MICALL2: variants seen among roughly 807,000 people sequenced by gnomAD.
The protein encoded by MICALL2 is MICAL like 2.
In MICALL2, 111 loss-of-function variants were observed where a neutral mutation model predicts 91.1. That is an observed-to-expected ratio of 1.22 (90% CI 1.04 to 1.43). The LOEUF (loss-of-function observed/expected upper bound fraction) is 1.43. Among genes scored for constraint, MICALL2 ranks in the 40% most tolerant of loss-of-function variants. The probability of loss-of-function intolerance (pLI) is 0.00; values close to 1 mark genes in which losing one functional copy is unlikely to be tolerated. For missense variants in MICALL2, 1,556 were observed against 1,236.0 expected, an observed-to-expected ratio of 1.26 and a Z score of -3.88; for synonymous variants, 694 against 525.3, an observed-to-expected ratio of 1.32 and a Z score of -4.39.
rs1781127556 is a variant in MICALL2, at chr7:1,459,265, A to C, written c.62T>G (p.Val21Gly). 6.2e-7 allele frequency: 1 copy of C among 1,609,438 alleles called. No homozygotes were observed. Among genetic ancestry groups the C allele is most frequent in the Non-Finnish European group, 8.5e-7 (1 of 1,178,504 alleles). ...CGACGTGGTCATGTTGCAGATATTC[A>C]CGTCGCGGTAGCCCTCGCACTGCTG... Reference protein sequence around the residue: ...CRQQCEGYRDVNICNMTTSFR... With the variant: ...CRQQCEGYRDGNICNMTTSFR... The change falls in exon 1 of 17, where the codon GTG becomes GGG. Residue 21 changes from valine (V) to glycine (G), a missense_variant. Transcript: ENST00000297508.
chr7:1,434,945 C>T, intron 16 of MICALL2, 156 bp downstream of exon 16: 2 of 861,640 alleles, frequency 2.3e-6, no homozygotes, highest in South Asian at 1.6e-5. Context: ...GGTGAACCTG[C>T]CTGTCCTGTC....
At chr7:1,436,198 T>A (rs970529651) in intron 15 of MICALL2, among the ~76,000 whole-genome samples, 1 of 151,962 alleles carries the variant, frequency 6.6e-6, no homozygotes, top group South Asian at 2.1e-4. Context: ...AAGACCAGCC[T>A]AGCCAACATG....
intron 9 of MICALL2, 131 bp downstream of exon 9, chr7:1,439,794 T>C (rs1479989837): frequency 2.0e-5 from 14 of 695,840 alleles, no homozygotes; most frequent in Non-Finnish European, 3.0e-5. Context: ...GACTACCAGC[T>C]TCTCTGGCTG....
At position 1,452,223 on chromosome 7, in the gene MICALL2, G is replaced by A. The variant is rs547670170; in HGVS notation, c.144-1935C>T. The stretch of plus-strand genomic sequence containing the variant: ...ACTCCTCTCCGTGTGGACAGATGAC[G>A]AGGAGCCCCCTCCCTGGGCTCAGTG... On this transcript the variant is annotated intron_variant, in intron 1 of 16. Coordinates refer to ENST00000297508, the MANE Select transcript of MICALL2 (RefSeq NM_182924.4). This position sits in a 1 kb window ranked among gnomAD's most constrained non-coding sequence, Gnocchi z 6.2. Among the ~76,000 whole-genome samples, 6 of 152,262 alleles carry A rather than the reference G, an allele frequency of 3.9e-5. No homozygotes were observed. In the South Asian group the frequency reaches 8.3e-4, roughly 21 times the overall value.
chr7:1,440,373 A>G, intron 8 of MICALL2: 1 of 629,508 alleles, frequency 1.6e-6, no homozygotes, highest in African/African-American at 1.8e-5. Context: ...GTGAACCCAC[A>G]CGGGTGCTGC....
At chr7:1,457,321 G>A (rs761493646) in intron 1 of MICALL2, among the ~76,000 whole-genome samples, 1 of 152,208 alleles carries the variant, frequency 6.6e-6, no homozygotes, top group Non-Finnish European at 1.5e-5. Context: ...GGAGCTGACA[G>A]TCCAGTGGGG....
intron 9 of MICALL2, chr7:1,439,716 A>G: frequency 2.3e-6 from 1 of 441,216 alleles, no homozygotes; most frequent in Non-Finnish European, 3.9e-6. Flanking sequence ...GGATACAGGC[A>G]TCACATACAT....
intron 9 of MICALL2, chr7:1,439,341 C>G: frequency 3.5e-6 from 1 of 281,876 alleles, no homozygotes. Context: ...CACACGTGGA[C>G]ACACATGCAT....
In MICALL2 at chr7:1,436,872, G is replaced by T; in HGVS notation, c.2477-16C>A. On this transcript the variant is annotated splice_polypyrimidine_tract_variant and intron_variant, in intron 14 of 16. Transcript: ENST00000297508. ...TTCAGAGCCTCTGTGGGGATGGCTC[G>T]TCAGCAGGAGCCCCCCCCACCACTG... 6.5e-7 allele frequency: 1 copy of T among 1,537,214 alleles called. No homozygotes were observed. Among genetic ancestry groups the T allele is most frequent in the Non-Finnish European group, 8.8e-7 (1 of 1,139,050 alleles).
chr7:1,442,501 A>T lies in MICALL2; in HGVS notation c.1419-17T>A. 1.3e-6 allele frequency: 2 copies of T among 1,518,622 alleles called. No homozygotes were observed. Among genetic ancestry groups the T allele is most frequent in the Non-Finnish European group, 1.8e-6 (2 of 1,133,610 alleles). 94.1% of individuals were successfully genotyped at this position (1,518,622 alleles called of 1,614,324 possible). A position where few individuals can be genotyped will look rare whatever the true frequency, so the allele number is the denominator to read the frequency against. ...GGGGAGGGCCTATAAGTAAAAGCGC[A>T]GGCATCAGGCACAGCTGGATCCAGG... is the stretch of plus-strand genomic sequence containing the variant. On this transcript the variant is annotated splice_polypyrimidine_tract_variant and intron_variant, in intron 6 of 16. Transcript: ENST00000297508.
At chr7:1,437,860 T>C (rs550318494) in intron 13 of MICALL2, 30 bp downstream of exon 13, 1 of 1,541,470 alleles carries the variant, frequency 6.5e-7, no homozygotes, top group African/African-American at 1.4e-5. Context: ...GTCCTGGCCT[T>C]CGAGGAGGGG....
chr7:1,440,729 G>C (rs772348456), intron 7 of MICALL2, 45 bp from the exon 8 acceptor site: 1 of 1,524,212 alleles, frequency 6.6e-7, no homozygotes, highest in South Asian at 1.1e-5. Context: ...GGAGTGCTGG[G>C]AATGGGGTGT....
intron 16 of MICALL2, 105 bp downstream of exon 16, chr7:1,434,996 A>ACC: frequency 5.2e-6 from 1 of 191,380 alleles, no homozygotes; most frequent in South Asian, 3.0e-5. Flanking sequence ...CCCCCCCCCC[A>ACC]CCCCCAGCTG....
intron 1 of MICALL2, among the ~76,000 whole-genome samples, chr7:1,456,384 C>G (rs6973347): frequency 0.48 from 73,480 of 152,052 alleles, 19,960 homozygotes; most frequent in African/African-American, 0.74. Flanking sequence ...TCAGGAGTTA[C>G]ACACCAGCCT....
chr7:1,447,548 C>T (rs1162690098), intron 4 of MICALL2, 27 bp downstream of exon 4: 7 of 1,216,544 alleles, frequency 5.8e-6, no homozygotes, highest in Non-Finnish European at 5.5e-6. Context: ...CCCAGAGAAC[C>T]AGGGGGAGGG....
At chr7:1,438,626 C>T (rs1780104376) in intron 10 of MICALL2, 7 of 1,420,768 alleles carry the variant, frequency 4.9e-6, no homozygotes, top group Non-Finnish European at 6.4e-6. Flanking sequence ...GACATTCCAT[C>T]ATCACCATGA....
intron 14 of MICALL2, chr7:1,437,286 G>A (rs187955215): frequency 8.6e-5 from 44 of 510,456 alleles, no homozygotes; most frequent in Middle Eastern, 1.1e-3. Flanking sequence ...CAACAGCTGC[G>A]TGAGGTGGGT....
In MICALL2 at chr7:1,442,448, C is replaced by T; in HGVS notation, c.1455G>A (p.Gln485=). 1 of 1,552,636 alleles carries T rather than the reference C, an allele frequency of 6.4e-7. No homozygotes were observed. The highest frequency in any genetic ancestry group is 8.7e-7 in the Non-Finnish European group (1 of 1,147,546). The change falls in exon 7 of 17, where the codon CAG becomes CAA. Residue 485 remains glutamine (Q), a synonymous_variant. Transcript: ENST00000297508. ...SPATAAVPSS[Q]PKTEAPQASP... ...TTGCTTGTGGTGCTTCAGTTTTGGG[C>T]TGAGAACTGGGAACAGCGGCAGTGG...
Position 1,438,877 on chromosome 7 carries a change from C to T in MICALL2, c.2085G>A (p.Lys695=), listed in dbSNP as rs1240149621. Reference sequence around the variant, plus strand: ...GAAGGTGAGGTTTCTTCTCCTCCTCCTTCCAGCTCTGCACTCGGGCTTCCT... The same window carrying T: ...GAAGGTGAGGTTTCTTCTCCTCCTCTTTCCAGCTCTGCACTCGGGCTTCCT... ...PGQEARVQSW[K]EEEKKPHLQG... The change falls in exon 10 of 17, where the codon AAG becomes AAA. Residue 695 remains lysine, a synonymous_variant. Coordinates refer to ENST00000297508, the MANE Select transcript of MICALL2 (RefSeq NM_182924.4). 1.9e-6 allele frequency: 3 copies of T among 1,610,542 alleles called. No homozygotes were observed. The highest frequency in any genetic ancestry group is 1.3e-5 in the African/African-American group (1 of 75,050).
Sources: gnomAD v4.1 joint callset for allele counts (sites outside exome capture counted in the v4.1 genomes callset) on GRCh38, gnomAD v4.1.1 for gene constraint, Gnocchi (gnomAD v3.1) non-coding constraint, MANE v1.5 for transcripts, NCBI Gene and HGNC (gene_info 2026-07-23, HGNC 2026-07-21) for gene names.